Variants in COL5A2 observed in about 807,000 individuals in gnomAD.
The protein encoded by COL5A2 is collagen type V alpha 2 chain, also known as collagen alpha-2(V) chain.
Under a neutral mutation model 208.2 loss-of-function variants are expected in COL5A2, and 23 were observed. That is an observed-to-expected ratio of 0.11 (90% CI 0.08 to 0.16). COL5A2 has a LOEUF of 0.16. Ranked by LOEUF, COL5A2 falls within the 10% of genes least tolerant of loss-of-function variation. The probability of loss-of-function intolerance (pLI) is 1.00; values close to 1 mark genes in which losing one functional copy is unlikely to be tolerated. For synonymous variants in COL5A2, 625 were observed against 628.5 expected, an observed-to-expected ratio of 0.99 and a Z score of 0.08; for missense variants, 1,590 against 1,956.4, an observed-to-expected ratio of 0.81 and a Z score of 3.53.
intron 12 of COL5A2, 114 bp from the exon 13 acceptor site, chr2:189,081,157 T>TAA (rs1553516883): frequency 1.3e-6 from 1 of 799,496 alleles, no homozygotes; most frequent in Non-Finnish European, 2.2e-6. Context: ...AGCAACATAT[T>TAA]AAGAAGAACA....
intron 1 of COL5A2, among the ~76,000 whole-genome samples, chr2:189,122,618 C>G (rs1160066355): frequency 1.3e-5 from 2 of 152,176 alleles, no homozygotes; most frequent in Non-Finnish European, 1.5e-5. Flanking sequence ...TTCTATTACA[C>G]TTATTGGTTT....
Position 189,045,891 on chromosome 2 carries a change from G to T in COL5A2, c.3218C>A (p.Pro1073His). ...AVGERGDRGD[P>H]GPAGLPGSQG... is the part of the protein sequence containing the mutation. The stretch of plus-strand genomic sequence containing the variant: ...AGAGCCTGGCAGACCTGCAGGCCCA[G>T]GGTCTCCACGATCACCCTAACAAGA... The change falls in exon 46 of 54, where the codon CCT (proline) becomes CAT (histidine). Residue 1073 changes from proline (P) to histidine (H), a missense_variant. Physicochemically the swap from Pro to His is moderately conservative, Grantham distance 77 (BLOSUM62 -2). Coordinates refer to ENST00000374866, the MANE Select transcript of COL5A2 (RefSeq NM_000393.5). The T allele has an allele frequency of 1.2e-6, 2 of 1,614,030 alleles. No individual in the cohort carries two copies. Among genetic ancestry groups the T allele is most frequent in the Non-Finnish European group, 1.7e-6 (2 of 1,179,948 alleles).
intron 1 of COL5A2, among the ~76,000 whole-genome samples, chr2:189,199,977 A>G (rs1024596367): frequency 2.6e-5 from 4 of 152,170 alleles, no homozygotes; most frequent in African/African-American, 9.7e-5. Flanking sequence ...GAAAGGCAGA[A>G]AGAGAATGAG....
chr2:189,402,590 G>A, the COL5A2 span, among the ~76,000 whole-genome samples: 1 of 152,158 alleles, frequency 6.6e-6, no homozygotes, highest in African/African-American at 2.4e-5. Context: ...TAAGGAAGGG[G>A]TCCAGTTTCA....
At chr2:189,058,299 T>C (rs1217381010) in intron 33 of COL5A2, 130 bp downstream of exon 33, 3 of 808,692 alleles carry the variant, frequency 3.7e-6, no homozygotes, top group Admixed American at 2.0e-5. Flanking sequence ...ATTAAATATT[T>C]GTGGAAGAAG....
rs2153505801 is a variant in COL5A2 at position 189,033,389 on chromosome 2, A to C, written c.*681T>G. On this transcript the variant is annotated 3_prime_UTR_variant, in exon 54 of 54. Transcript: ENST00000374866. Reference sequence around the variant, plus strand: ...GTCTAAACTTATAGTCTTTTACAAAAATTTAAGAAGTCGAAGTAAATTCAC... The same window carrying C: ...GTCTAAACTTATAGTCTTTTACAAACATTTAAGAAGTCGAAGTAAATTCAC... 6.5e-6 allele frequency: 1 copy of C among 152,782 alleles called. No individual in the cohort carries two copies. The highest frequency in any genetic ancestry group is 2.1e-4 in the South Asian group (1 of 4,838). The allele number at this position is 152,782 out of a possible 1,614,324, so 9.5% of individuals were successfully genotyped here.
At chr2:189,238,990 T>C in the COL5A2 span, among the ~76,000 whole-genome samples, 1 of 152,114 alleles carries the variant, frequency 6.6e-6, no homozygotes, top group Non-Finnish European at 1.5e-5. Flanking sequence ...TACAATTAGG[T>C]ATTCTTTTTA....
chr2:189,079,466 T>C (rs1472737635), intron 14 of COL5A2, among the ~76,000 whole-genome samples: 1 of 152,108 alleles, frequency 6.6e-6, no homozygotes, highest in Non-Finnish European at 1.5e-5. Flanking sequence ...CTAGGAGACT[T>C]AGAAATAAAA....
intron 1 of COL5A2, among the ~76,000 whole-genome samples, chr2:189,131,693 C>G (rs181305149): frequency 2.1e-4 from 32 of 152,270 alleles, no homozygotes; most frequent in East Asian, 1.3e-3. Flanking sequence ...CAGGAAAACA[C>G]ATTGATGGTA....
the COL5A2 span, among the ~76,000 whole-genome samples, chr2:189,426,490 G>A: frequency 7.2e-5 from 11 of 152,204 alleles, no homozygotes; most frequent in East Asian, 7.7e-4. Flanking sequence ...CTTTTCAGAC[G>A]GAACCACTGT....
At chr2:189,114,055 GGTTA>G (rs141412012) in intron 1 of COL5A2, among the ~76,000 whole-genome samples, 2,288 of 152,262 alleles carry the variant, frequency 0.015, 45 homozygotes, top group South Asian at 0.08. Context: ...TAATGTTAAA[GGTTA>G]GTTTTATACT....
the COL5A2 span, among the ~76,000 whole-genome samples, chr2:189,234,780 G>A: frequency 6.6e-6 from 1 of 151,788 alleles, no homozygotes; most frequent in South Asian, 2.1e-4. Context: ...TCTGTAAAAT[G>A]AGACTATTCC....
At chr2:189,401,334 T>C in the COL5A2 span, among the ~76,000 whole-genome samples, 2 of 152,202 alleles carry the variant, frequency 1.3e-5, no homozygotes, top group Non-Finnish European at 1.5e-5. Flanking sequence ...TCTATTACCA[T>C]GTTAGTTTGC....
chr2:189,033,847 T>C lies in COL5A2; in HGVS notation c.*223A>G. ...CATTGGTCATCTTAAACCTAAACTG[T>C]TGTATTGAAAAATATTTAAAATCAA... On this transcript the variant is annotated 3_prime_UTR_variant, in exon 54 of 54. Transcript: ENST00000374866. 1 of 604,252 alleles carries C rather than the reference T, an allele frequency of 1.7e-6. No individual in the cohort carries two copies. 37.4% of individuals were successfully genotyped at this position (604,252 alleles called of 1,614,324 possible).
chr2:189,297,028 C>T, the COL5A2 span, among the ~76,000 whole-genome samples: 7 of 152,254 alleles, frequency 4.6e-5, no homozygotes, highest in African/African-American at 1.7e-4. Context: ...ATACTCTGTG[C>T]CATGTCTTGA....
At chr2:189,230,754 T>C in the COL5A2 span, among the ~76,000 whole-genome samples, 2 of 151,830 alleles carry the variant, frequency 1.3e-5, no homozygotes, top group Non-Finnish European at 1.5e-5. Context: ...AAATGTAAAA[T>C]AGTGCAGCCA....
At position 189,201,329 on chromosome 2, in the gene COL5A2, ATACT is replaced by A. The variant is rs376908382; in HGVS notation, c.-42+23815_-42+23818del. On this transcript the variant is annotated intron_variant, in intron 1 of 10. Transcript: ENST00000649966. Reference sequence around the variant, plus strand: ...TAATAAGTCCATGAAATGATACAAAATACTTAGTTAATCCAAAGGAGGCAGACTT... The same window carrying A: ...TAATAAGTCCATGAAATGATACAAAATAGTTAATCCAAAGGAGGCAGACTT... 5.5e-3 allele frequency among the ~76,000 whole-genome samples: 839 copies of A among 152,146 alleles called. 2 individuals are homozygous for A. Among genetic ancestry groups the A allele is most frequent in the Middle Eastern group, 0.01 (3 of 292 alleles).
chr2:189,187,830 G>T (rs528685021), intron 1 of COL5A2, among the ~76,000 whole-genome samples: 2 of 152,110 alleles, frequency 1.3e-5, no homozygotes, highest in Admixed American at 6.5e-5. Context: ...TTAGCCAGGC[G>T]TGGTGGTGGG....
chr2:189,412,255 T>G, the COL5A2 span, among the ~76,000 whole-genome samples: 1 of 152,010 alleles, frequency 6.6e-6, no homozygotes, highest in Non-Finnish European at 1.5e-5. Flanking sequence ...TCGTGAAATG[T>G]TTATAGTAGA....
Sources: gnomAD v4.1 joint callset for allele counts (sites outside exome capture counted in the v4.1 genomes callset) on GRCh38, gnomAD v4.1.1 for gene constraint, MANE v1.5 for transcripts, NCBI Gene and HGNC (gene_info 2026-07-23, HGNC 2026-07-21) for gene names.